Variants in CFAP74 observed in about 807,000 individuals in gnomAD.
CFAP74 encodes the protein cilia- and flagella-associated protein 74.
CFAP74 carries 124 observed loss-of-function variants against 188.9 expected under a neutral mutation model. The ratio of observed to expected loss-of-function variants is 0.66; its 90% CI spans 0.57 to 0.76. CFAP74 has a LOEUF of 0.76. Ranked by LOEUF, CFAP74 falls within the 30% of genes least tolerant of loss-of-function variation. The probability of loss-of-function intolerance (pLI) is 0.00; values close to 1 mark genes in which losing one functional copy is unlikely to be tolerated. For synonymous variants in CFAP74, 956 were observed against 916.7 expected (o/e 1.04, Z -0.77); for missense variants, 2,198 against 2,165.2 (o/e 1.02, Z -0.30).
chr1:1,938,927 A>T lies in CFAP74; in HGVS notation c.2939T>A (p.Phe980Tyr), dbSNP rs979105065. Residue 980 changes from phenylalanine (F) to tyrosine (Y), a missense_variant, in exon 25 of 39, where the codon TTC becomes TAC. By Grantham distance (22) the Phe-to-Tyr change is conservative (BLOSUM62 3). Coordinates refer to ENST00000682832, the MANE Select transcript of CFAP74 (RefSeq NM_001304360.2). ...CTTGGTGGGCTGGAAGATCACACAG[A>T]ACTGCAGCGTTTCCAGGGGCAGGAT... ...GTILPLETLQ[F>Y]CVIFQPTKAE... 2.1e-5 allele frequency: 33 copies of T among 1,536,038 alleles called. No individual in the cohort carries two copies. The highest frequency in any genetic ancestry group is 2.8e-5 in the Non-Finnish European group (32 of 1,146,912).
chr1:1,957,714 C>T (rs1229071688), intron 16 of CFAP74, among the ~76,000 whole-genome samples: 3 of 152,140 alleles, frequency 2.0e-5, no homozygotes, highest in Admixed American at 6.5e-5. Context: ...CAGTACCAGA[C>T]TCCTGCCGGG....
At chr1:1,958,733 G>C (rs1004834906) in intron 16 of CFAP74, among the ~76,000 whole-genome samples, 1 of 152,212 alleles carries the variant, frequency 6.6e-6, no homozygotes, top group Non-Finnish European at 1.5e-5. Context: ...GTTGCAGCGC[G>C]TGGAGCCTTG....
chr1:1,947,966 G>A (rs1265835370), intron 18 of CFAP74, among the ~76,000 whole-genome samples: 4 of 152,030 alleles, frequency 2.6e-5, no homozygotes, highest in Admixed American at 1.3e-4. Context: ...TCTGCCTCCC[G>A]GGTTCAAGTA....
chr1:1,995,068 G>T (rs1476272588), intron 1 of CFAP74, among the ~76,000 whole-genome samples: 1 of 152,170 alleles, frequency 6.6e-6, no homozygotes, highest in South Asian at 2.1e-4. Context: ...GTGGGATTGG[G>T]AACTGAGAGA....
At chr1:1,977,836 A>G (rs1262218061) in intron 6 of CFAP74, among the ~76,000 whole-genome samples, 1 of 152,188 alleles carries the variant, frequency 6.6e-6, no homozygotes, top group African/African-American at 2.4e-5. Flanking sequence ...AACCCGTTGG[A>G]AAGTTTGTTG....
At chr1:1,966,329 C>T (rs548033700) in intron 12 of CFAP74, 42 bp downstream of exon 12, 5 of 1,445,704 alleles carry the variant, frequency 3.5e-6, no homozygotes, top group East Asian at 2.6e-5. Flanking sequence ...GACAGAGGGC[C>T]GGGGTCCGTC....
chr1:1,963,018 T>C (rs1347000094), intron 14 of CFAP74, among the ~76,000 whole-genome samples: 1 of 152,138 alleles, frequency 6.6e-6, no homozygotes, highest in Non-Finnish European at 1.5e-5. Context: ...AATGGAAACA[T>C]TGTTACAGAG....
intron 27 of CFAP74, chr1:1,928,056 G>A (rs567264003): frequency 1.4e-4 from 61 of 421,006 alleles, no homozygotes; most frequent in African/African-American, 7.0e-4. Flanking sequence ...GCGGAAGGCC[G>A]AAGGCAAGTG....
At chr1:1,938,783 G>A (rs898568697) in intron 25 of CFAP74, 72 bp downstream of exon 25, 6 of 1,485,814 alleles carry the variant, frequency 4.0e-6, no homozygotes, top group Non-Finnish European at 5.4e-6. Flanking sequence ...GGATGTGGTG[G>A]AGCTGGGAAG....
chr1:1,965,807 T>C (rs1297601906), intron 12 of CFAP74, among the ~76,000 whole-genome samples: 1 of 152,222 alleles, frequency 6.6e-6, no homozygotes, highest in African/African-American at 2.4e-5. Flanking sequence ...AGGTGGCTTT[T>C]GCCCTGACAG....
At chr1:1,938,334 T>TCTCACA (rs1553220321) in intron 25 of CFAP74, among the ~76,000 whole-genome samples, 1 of 147,674 alleles carries the variant, frequency 6.8e-6, no homozygotes, top group Non-Finnish European at 1.5e-5. Context: ...CACAAGGCAC[T>TCTCACA]CACACACACA....
chr1:1,929,924 G>T, intron 26 of CFAP74, 136 bp downstream of exon 26: 1 of 1,028,670 alleles, frequency 9.7e-7, no homozygotes, highest in East Asian at 2.7e-5. Flanking sequence ...CGGGTCTGAG[G>T]GTCAGGTTCA....
intron 19 of CFAP74, 59 bp from the exon 20 acceptor site, chr1:1,946,498 C>T (rs1653786570): frequency 2.7e-6 from 4 of 1,472,204 alleles, no homozygotes; most frequent in Non-Finnish European, 3.6e-6. Context: ...AGATCCCTTC[C>T]CAACCCTCAC....
chr1:1,996,920 C>CAAA (rs200261557), intron 1 of CFAP74, among the ~76,000 whole-genome samples: 4 of 84,618 alleles, frequency 4.7e-5, no homozygotes, highest in East Asian at 3.6e-4. Context: ...GACTCTGTCT[C>CAAA]AAAAAAAAAA....
chr1:1,994,787 C>A (rs917398159), intron 1 of CFAP74, among the ~76,000 whole-genome samples: 1 of 152,192 alleles, frequency 6.6e-6, no homozygotes, highest in Non-Finnish European at 1.5e-5. Context: ...ACGGCACTTC[C>A]AACAGGCAGC....
intron 1 of CFAP74, among the ~76,000 whole-genome samples, chr1:1,991,864 C>G (rs571293230): frequency 6.6e-6 from 1 of 151,578 alleles, no homozygotes; most frequent in Non-Finnish European, 1.5e-5. Flanking sequence ...ACAGTGAAAC[C>G]CCATCTCTAC....
In CFAP74 at chr1:1,968,909, C is replaced by A. The variant is rs1484470497; in HGVS notation, c.1047-76G>T. ...TTGCCCCAGATGAGACAGTGCCCGG[C>A]GGCCCCTCCCTAGCGCCCTCCTGGG... On this transcript the variant is annotated intron_variant, in intron 10 of 38. Transcript: ENST00000682832. The surrounding 1 kb of genome is among the most constrained non-coding windows in gnomAD (Gnocchi z 4.3). 7.1e-7 allele frequency: 1 copy of A among 1,406,120 alleles called. No homozygotes were observed. The highest frequency in any genetic ancestry group is 9.9e-7 in the Non-Finnish European group (1 of 1,012,434). 87.1% of individuals were successfully genotyped at this position (1,406,120 alleles called of 1,614,324 possible). A position where few individuals can be genotyped will look rare whatever the true frequency, so the allele number is the denominator to read the frequency against.
Position 1,927,640 on chromosome 1 carries a change from A to G in CFAP74, c.3494T>C (p.Val1165Ala). 1.3e-6 allele frequency: 2 copies of G among 1,550,134 alleles called. No individual in the cohort carries two copies. The highest frequency in any genetic ancestry group is 1.7e-4 in the Middle Eastern group (1 of 5,986). The change falls in exon 28 of 39, where the codon GTC becomes GCC. Residue 1165 changes from valine (V) to alanine (A), a missense_variant. By Grantham distance (64) the Val-to-Ala change is moderately conservative (BLOSUM62 0). Transcript: ENST00000682832. ...DKLFKVSVPH[V>A]LEMRKRELRP... ...CAGCTCCCGCTTCCGCATCTCCAGG[A>G]CGTGGGGGACAGAGACTTTGAACAG...
intron 16 of CFAP74, among the ~76,000 whole-genome samples, chr1:1,957,428 C>G (rs1654723645): frequency 2.0e-5 from 3 of 152,206 alleles, no homozygotes; most frequent in Admixed American, 2.0e-4. Flanking sequence ...CGGGGTCCAG[C>G]CAAGGGAGGC....
Sources: allele counts gnomAD v4.1 joint callset (sites outside exome capture counted in the v4.1 genomes callset), GRCh38; gene constraint gnomAD v4.1.1; non-coding constraint Gnocchi (gnomAD v3.1); transcripts MANE v1.5; gene names NCBI Gene and HGNC (gene_info 2026-07-23, HGNC 2026-07-21).